FBH1: variants seen among roughly 807,000 people sequenced by gnomAD.
FBH1 encodes the protein F-box DNA helicase 1, also known as DNA 3'-5' helicase 1.
A neutral mutation model predicts 115.5 loss-of-function variants in FBH1; 43 were observed. The ratio of observed to expected loss-of-function variants is 0.37; its 90% CI spans 0.29 to 0.48. The LOEUF is 0.48. Among genes scored for constraint, FBH1 ranks in the 20% least tolerant of loss-of-function variants. The pLI, the probability that FBH1 is intolerant of heterozygous loss-of-function variation, is 0.99. For synonymous variants in FBH1, 524 were observed against 507.8 expected, an observed-to-expected ratio of 1.03 and a Z score of -0.43; for missense variants, 1,001 against 1,337.3, an observed-to-expected ratio of 0.75 and a Z score of 3.92.
chr10:5,924,111 G>A lies in FBH1; in HGVS notation c.2399-200G>A. The stretch of plus-strand genomic sequence containing the variant: ...CTTGAGCCGAGGGCTTTGCTCCTCA[G>A]TCGGAGACGGAGAGGCTACTGCACT... On this transcript the variant is annotated intron_variant, in intron 16 of 20. Coordinates refer to ENST00000362091, the MANE Select transcript of FBH1 (RefSeq NM_178150.3). The surrounding 1 kb of genome is among the most constrained non-coding windows in gnomAD (Gnocchi z 6.2). The A allele has an allele frequency of 1.7e-6, 1 of 602,012 alleles. No homozygotes were observed. The highest frequency in any genetic ancestry group is 2.9e-6 in the Non-Finnish European group (1 of 340,276). The allele number at this position is 602,012 out of a possible 1,614,324, so 37.3% of individuals were successfully genotyped here.
At position 5,933,669 on chromosome 10, in the gene FBH1, GTC is replaced by G. The variant is rs1833114963; in HGVS notation, c.2830-2784_2830-2783del. 6.6e-6 allele frequency among the ~76,000 whole-genome samples: 1 copy of G among 150,614 alleles called. No homozygotes were observed. Among genetic ancestry groups the G allele is most frequent in the Non-Finnish European group, 1.5e-5 (1 of 67,774 alleles). On this transcript the variant is annotated intron_variant, in intron 19 of 20. Transcript: ENST00000362091. The surrounding 1 kb of genome is among the most constrained non-coding windows in gnomAD (Gnocchi z 4.9). ...TTTTTTTTTTTTTTTAAAAAACAGA[GTC>G]TCACTCTGTCGCCCAGGCTGGAGGG... is the stretch of plus-strand genomic sequence containing the variant.
rs531392928 is a variant in FBH1, at chr10:5,936,881, T to C, written c.2962-229T>C. On this transcript the variant is annotated intron_variant, in intron 20 of 20. Coordinates refer to ENST00000362091, the MANE Select transcript of FBH1 (RefSeq NM_178150.3). This position sits in a 1 kb window ranked among gnomAD's most constrained non-coding sequence, Gnocchi z 5.6. ...GCGCAGCTTTTCTTGGTTCTTTATC[T>C]TGACTGGATAAATGACTGTTTCTGA... 18 of 609,716 alleles carry C rather than the reference T, an allele frequency of 3.0e-5. No individual in the cohort carries two copies. The African/African-American group carries it at 3.1e-4, about 11-fold the overall frequency. The allele number at this position is 609,716 out of a possible 1,614,324, so 37.8% of individuals were successfully genotyped here.
In FBH1 at chr10:5,913,536, T is replaced by C. The variant is rs1185697942; in HGVS notation, c.1212-211T>C. 6.6e-6 allele frequency among the ~76,000 whole-genome samples: 1 copy of C among 152,166 alleles called. No individual in the cohort carries two copies. Among genetic ancestry groups the C allele is most frequent in the Non-Finnish European group, 1.5e-5 (1 of 68,024 alleles). Reference sequence around the variant, plus strand: ...CTCTTCCTCCTCTTGGAGATATACATAGAAACTACACCTTTCCCAGGACTG... The same window carrying C: ...CTCTTCCTCCTCTTGGAGATATACACAGAAACTACACCTTTCCCAGGACTG... On this transcript the variant is annotated intron_variant, in intron 6 of 20. Coordinates refer to ENST00000362091, the MANE Select transcript of FBH1 (RefSeq NM_178150.3). The surrounding 1 kb of genome is among the most constrained non-coding windows in gnomAD (Gnocchi z 4.4).
At position 5,901,039 on chromosome 10, in the gene FBH1, G is replaced by T. The variant is rs183879054; in HGVS notation, c.2-1981G>T. Among the ~76,000 whole-genome samples, 39 of 152,280 alleles carry T rather than the reference G, an allele frequency of 2.6e-4. No individual in the cohort carries two copies. The East Asian group carries it at 6.5e-3, about 26-fold the overall frequency. On this transcript the variant is annotated intron_variant, in intron 1 of 20. Transcript: ENST00000362091. ...TTGAACCCAAGAGGTGAATGTTGCA[G>T]TGAGCCAAGATTGTGTCACTGTGCT...
In FBH1 at chr10:5,915,299, T is replaced by C; in HGVS notation, c.1397-104T>C. 8.2e-7 allele frequency: 1 copy of C among 1,213,498 alleles called. No homozygotes were observed. Among genetic ancestry groups the C allele is most frequent in the East Asian group, 2.5e-5 (1 of 40,114 alleles). The allele number at this position is 1,213,498 out of a possible 1,614,324, so 75.2% of individuals were successfully genotyped here. On this transcript the variant is annotated intron_variant, in intron 8 of 20. Transcript: ENST00000362091. The surrounding 1 kb of genome is among the most constrained non-coding windows in gnomAD (Gnocchi z 5.2). ...ACTGAAAAACTTGTTACTGTCCTGC[T>C]CTCAAGACAGAGGTGTGATAAGCCT...
chr10:5,904,235 G>A (rs906850052), intron 2 of FBH1, among the ~76,000 whole-genome samples: 4 of 151,954 alleles, frequency 2.6e-5, no homozygotes, highest in Admixed American at 6.6e-5. Flanking sequence ...GTTTTGCTAC[G>A]TTGCCCAGGC....
chr10:5,927,716 AAAC>A (rs1170571425), intron 19 of FBH1, among the ~76,000 whole-genome samples, 175 bp downstream of exon 19: 7 of 152,174 alleles, frequency 4.6e-5, no homozygotes, highest in African/African-American at 1.7e-4. Flanking sequence ...CTAACCAAGG[AAAC>A]AAAAATGTGG....
chr10:5,931,559 C>G lies in FBH1; in HGVS notation c.2829+4018C>G, dbSNP rs146892870. On this transcript the variant is annotated intron_variant, in intron 19 of 20. Coordinates refer to ENST00000362091, the MANE Select transcript of FBH1 (RefSeq NM_178150.3). This position sits in a 1 kb window ranked among gnomAD's most constrained non-coding sequence, Gnocchi z 4.3. ...TAATAGTATTTATTACTTATTGATA[C>G]TATTCTATGTATTTAAAAATAATAT... Among the ~76,000 whole-genome samples, 1 of 152,134 alleles carries G rather than the reference C, an allele frequency of 6.6e-6. No homozygotes were observed. The highest frequency in any genetic ancestry group is 3.2e-3 in the Middle Eastern group (1 of 316).
intron 1 of FBH1, among the ~76,000 whole-genome samples, chr10:5,901,568 C>CTTT (rs367715134): frequency 6.1e-5 from 8 of 130,416 alleles, no homozygotes; most frequent in South Asian, 2.5e-4. Flanking sequence ...TTTTCTTTTT[C>CTTT]TTTTTTTTTT....
At chr10:5,916,034 T>C (rs1195283979) in intron 9 of FBH1, 200 bp from the exon 10 acceptor site, 2 of 585,286 alleles carry the variant, frequency 3.4e-6, no homozygotes, top group Non-Finnish European at 3.0e-6. Flanking sequence ...GTTCCTATTC[T>C]GGGTTGGTAC....
chr10:5,937,139 C>T lies in FBH1; in HGVS notation c.2991C>T (p.Tyr997=), dbSNP rs756558042. The T allele has an allele frequency of 1.7e-5, 27 of 1,611,402 alleles. No homozygotes were observed. The highest frequency in any genetic ancestry group is 2.2e-5 in the Non-Finnish European group (26 of 1,178,436). Residue 997 remains tyrosine, a synonymous_variant, in exon 21 of 21, where the codon TAC becomes TAT. Coordinates refer to ENST00000362091, the MANE Select transcript of FBH1 (RefSeq NM_178150.3). ...YSNRKENKGG[Y]LCHSCAEQRI... ...ACAGGAAGGAAAACAAGGGGGGCTA[C>T]CTCTGCCACTCCTGTGCGGAGCAGC...
chr10:5,922,650 G>A (rs925583013), intron 15 of FBH1, among the ~76,000 whole-genome samples: 8 of 152,170 alleles, frequency 5.3e-5, no homozygotes, highest in African/African-American at 1.4e-4. Flanking sequence ...TATTTTGCCC[G>A]CTGTTTTATG....
chr10:5,926,122 A>ATTC (rs1159508575), intron 18 of FBH1, among the ~76,000 whole-genome samples: 4,487 of 148,226 alleles, frequency 0.03, 100 homozygotes, highest in Non-Finnish European at 0.045. Context: ...TATTCTTCTT[A>ATTC]TTATTATTAT....
intron 6 of FBH1, among the ~76,000 whole-genome samples, chr10:5,912,895 C>A (rs189728508): frequency 6.6e-5 from 10 of 152,162 alleles, no homozygotes; most frequent in Admixed American, 3.3e-4. Flanking sequence ...TTCTTTGTTT[C>A]TTCCTGTTTT....
chr10:5,925,580 G>C lies in FBH1; in HGVS notation c.2722+88G>C. 6.4e-7 allele frequency: 1 copy of C among 1,562,154 alleles called. No homozygotes were observed. Among genetic ancestry groups the C allele is most frequent in the Non-Finnish European group, 8.7e-7 (1 of 1,151,948 alleles). Reference sequence around the variant, plus strand: ...CCTTTGCACGGCCTTGTTGTTTGTTGGATGGTGTGGCCTCCTGGTAGGGCA... The same window carrying C: ...CCTTTGCACGGCCTTGTTGTTTGTTCGATGGTGTGGCCTCCTGGTAGGGCA... On this transcript the variant is annotated intron_variant, in intron 18 of 20. Transcript: ENST00000362091. The surrounding 1 kb of genome is among the most constrained non-coding windows in gnomAD (Gnocchi z 4.6).
chr10:5,894,397 G>T, intron 1 of FBH1: 1 of 1,597,032 alleles, frequency 6.3e-7, no homozygotes, highest in Non-Finnish European at 8.6e-7. Context: ...TGCTTTCAAG[G>T]TGTCTAGATA....
At chr10:5,930,492 C>T (rs1325931336) in intron 19 of FBH1, among the ~76,000 whole-genome samples, 2 of 152,212 alleles carry the variant, frequency 1.3e-5, no homozygotes, top group Admixed American at 6.5e-5. Flanking sequence ...TTTCCAGTAA[C>T]TGGAAGTTAG....
chr10:5,924,236 T>C lies in FBH1; in HGVS notation c.2399-75T>C. On this transcript the variant is annotated intron_variant, in intron 16 of 20. Coordinates refer to ENST00000362091, the MANE Select transcript of FBH1 (RefSeq NM_178150.3). This position sits in a 1 kb window ranked among gnomAD's most constrained non-coding sequence, Gnocchi z 6.2. Reference sequence around the variant, plus strand: ...GACCATCTGCTCTTGCGCAGCTGCTTAGGAACGTGCAGCACCTGCCACCAT... The same window carrying C: ...GACCATCTGCTCTTGCGCAGCTGCTCAGGAACGTGCAGCACCTGCCACCAT... 2 of 1,477,484 alleles carry C rather than the reference T, an allele frequency of 1.4e-6. No individual in the cohort carries two copies. Among genetic ancestry groups the C allele is most frequent in the African/African-American group, 1.4e-5 (1 of 72,090 alleles). The allele number at this position is 1,477,484 out of a possible 1,614,324, so 91.5% of individuals were successfully genotyped here.
At position 5,914,168 on chromosome 10, in the gene FBH1, A is replaced by G. The variant is rs1831782809; in HGVS notation, c.1305-10A>G. Reference sequence around the variant, plus strand: ...CTGTTTTTCTTACTTCTCTTTTGTAATGATTATAGCAAGAAAACCATCCAA... The same window carrying G: ...CTGTTTTTCTTACTTCTCTTTTGTAGTGATTATAGCAAGAAAACCATCCAA... On this transcript the variant is annotated splice_polypyrimidine_tract_variant and intron_variant, in intron 7 of 20. Coordinates refer to ENST00000362091, the MANE Select transcript of FBH1 (RefSeq NM_178150.3). The surrounding 1 kb of genome is among the most constrained non-coding windows in gnomAD (Gnocchi z 5.2). 5 of 1,613,124 alleles carry G rather than the reference A, an allele frequency of 3.1e-6. No individual in the cohort carries two copies. Among genetic ancestry groups the G allele is most frequent in the Non-Finnish European group, 4.2e-6 (5 of 1,179,184 alleles).
Sources: allele counts gnomAD v4.1 joint callset (sites outside exome capture counted in the v4.1 genomes callset), GRCh38; gene constraint gnomAD v4.1.1; non-coding constraint Gnocchi (gnomAD v3.1); transcripts MANE v1.5; gene names NCBI Gene and HGNC (gene_info 2026-07-23, HGNC 2026-07-21).